The following NUAK1 variants were observed in gnomAD, a reference collection of about 807,000 sequenced individuals.
NUAK1 encodes the protein NUAK family kinase 1, also known as NUAK family SNF1-like kinase 1.
NUAK1 carries 26 observed loss-of-function variants against 56.9 expected under a neutral mutation model. The observed-to-expected ratio is 0.46, with a 90% confidence interval of 0.33 to 0.63. The LOEUF (loss-of-function observed/expected upper bound fraction) is 0.63, where lower values mean the gene tolerates loss of function less well. Among genes scored for constraint, NUAK1 ranks in the 30% least tolerant of loss-of-function variants. The probability of loss-of-function intolerance (pLI) is 0.02; values close to 1 mark genes in which losing one functional copy is unlikely to be tolerated. For synonymous variants in NUAK1, 337 were observed against 336.0 expected (o/e 1.00, Z -0.03); for missense variants, 727 against 876.1 (o/e 0.83, Z 2.15).
intron 2 of NUAK1, among the ~76,000 whole-genome samples, chr12:106,095,557 T>C (rs2032688841): frequency 2.0e-5 from 3 of 152,210 alleles, no homozygotes; most frequent in Non-Finnish European, 4.4e-5. Context: ...GCCTCTACCT[T>C]ACGTCTCACT....
intron 3 of NUAK1, 59 bp downstream of exon 3, chr12:106,086,675 A>T: frequency 1.3e-6 from 2 of 1,540,604 alleles, no homozygotes; most frequent in Non-Finnish European, 1.8e-6. Flanking sequence ...TAGGAAAAAA[A>T]TCATGCAGTG....
At chr12:106,074,141 G>A (rs1275747281) in intron 4 of NUAK1, among the ~76,000 whole-genome samples, 1 of 151,886 alleles carries the variant, frequency 6.6e-6, no homozygotes, top group Non-Finnish European at 1.5e-5. Flanking sequence ...CCTTATCTTT[G>A]TATCATCCAC....
At chr12:106,093,885 G>A (rs1009662857) in intron 2 of NUAK1, among the ~76,000 whole-genome samples, 6 of 152,054 alleles carry the variant, frequency 3.9e-5, no homozygotes, top group African/African-American at 4.8e-5. Context: ...TGCAACCTCC[G>A]CCTCCCAGGC....
chr12:106,133,554 T>TCCC (rs1290312053), intron 1 of NUAK1, among the ~76,000 whole-genome samples: 3 of 152,162 alleles, frequency 2.0e-5, no homozygotes, highest in Admixed American at 6.5e-5. Flanking sequence ...TTACCTAACC[T>TCCC]CCCTATGTGT....
intron 1 of NUAK1, among the ~76,000 whole-genome samples, chr12:106,121,843 T>C (rs1405717413): frequency 1.3e-5 from 2 of 151,852 alleles, no homozygotes; most frequent in African/African-American, 4.8e-5. Flanking sequence ...GGTTGGTGGA[T>C]CCCTACACAC....
chr12:106,085,853 C>T (rs1403968635), intron 3 of NUAK1, among the ~76,000 whole-genome samples: 4 of 152,034 alleles, frequency 2.6e-5, no homozygotes, highest in South Asian at 2.1e-4. Flanking sequence ...ACTACAGGTG[C>T]GCAACCTCAT....
chr12:106,104,002 T>TA (rs1463548739), intron 2 of NUAK1: 1 of 152,220 alleles, frequency 6.6e-6, no homozygotes, highest in Non-Finnish European at 1.5e-5. Context: ...GGCAGTTCGT[T>TA]ATAGCAGCAT....
chr12:106,072,668 TCC>T, intron 5 of NUAK1, 54 bp downstream of exon 5: 2 of 1,556,568 alleles, frequency 1.3e-6, no homozygotes, highest in Middle Eastern at 1.7e-4. Context: ...TTTTTGCCCT[TCC>T]TCCCTCTTCT....
intron 1 of NUAK1, among the ~76,000 whole-genome samples, chr12:106,119,608 C>T (rs926904686): frequency 6.6e-6 from 1 of 152,206 alleles, no homozygotes; most frequent in African/African-American, 2.4e-5. Flanking sequence ...AGAAGCAAGA[C>T]ATGACAACTC....
intron 1 of NUAK1, among the ~76,000 whole-genome samples, chr12:106,127,943 A>G (rs1394892365): frequency 1.3e-5 from 2 of 151,894 alleles, no homozygotes; most frequent in African/African-American, 4.8e-5. Context: ...TCCTTCCAAA[A>G]CTTAGATTTA....
chr12:106,075,018 T>C (rs562482781), intron 4 of NUAK1, among the ~76,000 whole-genome samples: 1 of 152,276 alleles, frequency 6.6e-6, no homozygotes, highest in African/African-American at 2.4e-5. Flanking sequence ...TGGGGCACCA[T>C]ATGAGCTTCC....
At position 106,064,603 on chromosome 12, in the gene NUAK1, AG is replaced by A. The variant is rs1191162775; in HGVS notation, c.*2198del. 6.6e-6 allele frequency: 1 copy of A among 152,246 alleles called. No individual in the cohort carries two copies. Among genetic ancestry groups the A allele is most frequent in the African/African-American group, 2.4e-5 (1 of 41,452 alleles). The allele number at this position is 152,246 out of a possible 1,614,324, so 9.4% of individuals were successfully genotyped here. A position where few individuals can be genotyped will look rare whatever the true frequency, so the allele number is the denominator to read the frequency against. Reference sequence around the variant, plus strand: ...TAAACAGACTCAATCACTTGGCAAAAGGAAAAAACACATCAACCAGTAGGTA... The same window carrying A: ...TAAACAGACTCAATCACTTGGCAAAAGAAAAAACACATCAACCAGTAGGTA... On this transcript the variant is annotated 3_prime_UTR_variant, in exon 7 of 7. Coordinates refer to ENST00000261402, the MANE Select transcript of NUAK1 (RefSeq NM_014840.3).
rs1363724620 is a variant in NUAK1, at chr12:106,066,271, G to A, written c.*531C>T. 2.5e-5 allele frequency: 4 copies of A among 158,776 alleles called. No individual in the cohort carries two copies. The highest frequency in any genetic ancestry group is 1.8e-4 in the Admixed American group (3 of 16,894). The allele number at this position is 158,776 out of a possible 1,614,324, so 9.8% of individuals were successfully genotyped here. ...ACAGCACTCCTTCCCCATGATGTGG[G>A]CCACTTACGCCAGCACAACTGGCAG... On this transcript the variant is annotated 3_prime_UTR_variant, in exon 7 of 7. Coordinates refer to ENST00000261402, the MANE Select transcript of NUAK1 (RefSeq NM_014840.3).
intron 1 of NUAK1, among the ~76,000 whole-genome samples, chr12:106,110,479 G>A (rs564398665): frequency 3.9e-5 from 6 of 152,148 alleles, no homozygotes; most frequent in Admixed American, 2.6e-4. Flanking sequence ...AGACATGCCC[G>A]GCATTGCGGA....
At chr12:106,086,595 T>C (rs1431537304) in intron 3 of NUAK1, 139 bp downstream of exon 3, 4 of 783,502 alleles carry the variant, frequency 5.1e-6, no homozygotes, top group African/African-American at 1.8e-5. Context: ...TCACGGGTGA[T>C]GGTAATTTTC....
intron 1 of NUAK1, among the ~76,000 whole-genome samples, chr12:106,135,391 A>G (rs1326759178): frequency 6.6e-6 from 1 of 152,248 alleles, no homozygotes; most frequent in Non-Finnish European, 1.5e-5. Flanking sequence ...CAAGCATCTC[A>G]TTCTGCACTT....
intron 2 of NUAK1, among the ~76,000 whole-genome samples, chr12:106,089,371 C>T (rs914585684): frequency 1.9e-4 from 29 of 152,336 alleles, no homozygotes; most frequent in African/African-American, 6.7e-4. Context: ...TGGATTCTTC[C>T]CTCTCCAACT....
chr12:106,138,094 G>A lies in NUAK1; in HGVS notation c.240+320C>T, dbSNP rs766464427. ...GGTCTAAATGAGTGCCTGCGAGGGA[G>A]AGAGACCCCGGCCGTCCCAACGCTG... is the stretch of plus-strand genomic sequence containing the variant. On this transcript the variant is annotated intron_variant, in intron 1 of 6. Coordinates refer to ENST00000261402, the MANE Select transcript of NUAK1 (RefSeq NM_014840.3). The surrounding 1 kb of genome is among the most constrained non-coding windows in gnomAD (Gnocchi z 5.0). 2.8e-4 allele frequency among the ~76,000 whole-genome samples: 42 copies of A among 152,218 alleles called. No homozygotes were observed. The highest frequency in any genetic ancestry group is 5.2e-4 in the Admixed American group (8 of 15,274).
intron 4 of NUAK1, among the ~76,000 whole-genome samples, chr12:106,083,492 G>A (rs1325771993): frequency 7.9e-5 from 12 of 152,136 alleles, no homozygotes; most frequent in African/African-American, 2.7e-4. Flanking sequence ...TAGAGTTGTT[G>A]TAAAGATTGA....
Sources: gnomAD v4.1 joint callset for allele counts (sites outside exome capture counted in the v4.1 genomes callset) on GRCh38, gnomAD v4.1.1 for gene constraint, Gnocchi (gnomAD v3.1) non-coding constraint, MANE v1.5 for transcripts, NCBI Gene and HGNC (gene_info 2026-07-23, HGNC 2026-07-21) for gene names.